PLEKHA2: variants seen among roughly 807,000 people sequenced by gnomAD.
PLEKHA2 encodes the protein pleckstrin homology domain-containing family A member 2.
In PLEKHA2, 28 loss-of-function variants were observed where a neutral mutation model predicts 53.2. The ratio of observed to expected loss-of-function variants is 0.53; its 90% CI spans 0.39 to 0.72. The LOEUF is 0.72. Among genes scored for constraint, PLEKHA2 ranks in the 30% least tolerant of loss-of-function variants. PLEKHA2 has a pLI of 0.00. For missense variants in PLEKHA2, 426 were observed against 537.9 expected, an observed-to-expected ratio of 0.79 and a Z score of 2.06; for synonymous variants, 193 against 196.4, an observed-to-expected ratio of 0.98 and a Z score of 0.14.
chr8:38,936,040 A>AC lies in PLEKHA2; in HGVS notation c.189dup (p.Ile64HisfsTer34). Reference sequence around the variant, plus strand: ...GCTGTTGGAGCTTTGCAGCTGACCTACATCTCGAAGGTAATGTTGACCTGG... The same window carrying AC: ...GCTGTTGGAGCTTTGCAGCTGACCTACCATCTCGAAGGTAATGTTGACCTGG... On this transcript the variant is annotated frameshift_variant, in exon 3 of 12. Transcript: ENST00000617275. LOFTEE classifies it high-confidence loss of function. 1 of 1,613,480 alleles carries AC rather than the reference A, an allele frequency of 6.2e-7. No homozygotes were observed. Among genetic ancestry groups the AC allele is most frequent in the Non-Finnish European group, 8.5e-7 (1 of 1,179,488 alleles).
intron 9 of PLEKHA2, among the ~76,000 whole-genome samples, chr8:38,955,919 T>C (rs1588272581): frequency 1.3e-5 from 2 of 152,170 alleles, no homozygotes; most frequent in African/African-American, 4.8e-5. Context: ...CAGGTGATCC[T>C]CCCGCCTCAG....
intron 9 of PLEKHA2, 102 bp from the exon 10 acceptor site, chr8:38,957,221 A>C (rs1399013736): frequency 1.2e-6 from 1 of 843,312 alleles, no homozygotes; most frequent in Non-Finnish European, 1.9e-6. Context: ...CCCCCCACCC[A>C]TCTTCCTTTT....
intron 2 of PLEKHA2, among the ~76,000 whole-genome samples, chr8:38,926,101 A>G (rs1053348432): frequency 6.6e-6 from 1 of 152,238 alleles, no homozygotes; most frequent in African/African-American, 2.4e-5. Flanking sequence ...CTGAGAGACT[A>G]TCTCTTAAGA....
intron 2 of PLEKHA2, among the ~76,000 whole-genome samples, chr8:38,931,977 T>C (rs1834401766): frequency 6.6e-6 from 1 of 152,148 alleles, no homozygotes; most frequent in Non-Finnish European, 1.5e-5. Flanking sequence ...CGGGCTTTTT[T>C]TTAAAATCTC....
chr8:38,910,117 C>T (rs939953347), intron 1 of PLEKHA2, among the ~76,000 whole-genome samples: 3 of 151,918 alleles, frequency 2.0e-5, no homozygotes, highest in Non-Finnish European at 4.4e-5. Flanking sequence ...CTACCATGCC[C>T]GGCTAATTTT....
intron 3 of PLEKHA2, among the ~76,000 whole-genome samples, chr8:38,938,637 A>G (rs1564130551): frequency 1.3e-5 from 2 of 152,174 alleles, no homozygotes; most frequent in Non-Finnish European, 2.9e-5. Context: ...GCGTCACTCT[A>G]CGGGGGACCT....
chr8:38,906,295 C>A (rs1012780005), intron 1 of PLEKHA2, among the ~76,000 whole-genome samples: 1 of 152,204 alleles, frequency 6.6e-6, no homozygotes, highest in Non-Finnish European at 1.5e-5. Context: ...ACCACATTTT[C>A]TTTGAATGTA....
At chr8:38,935,817 T>C (rs1834484077) in intron 2 of PLEKHA2, among the ~76,000 whole-genome samples, 177 bp from the exon 3 acceptor site, 2 of 152,206 alleles carry the variant, frequency 1.3e-5, no homozygotes, top group African/African-American at 4.8e-5. Flanking sequence ...GAATCCTGAA[T>C]CATTATCCAG....
intron 2 of PLEKHA2, among the ~76,000 whole-genome samples, chr8:38,932,732 C>T (rs915681986): frequency 2.6e-5 from 4 of 152,228 alleles, no homozygotes; most frequent in Non-Finnish European, 5.9e-5. Context: ...TGGATCAAGC[C>T]TCAAGGATCC....
intron 2 of PLEKHA2, among the ~76,000 whole-genome samples, chr8:38,919,322 T>C (rs1834137324): frequency 6.6e-6 from 1 of 152,220 alleles, no homozygotes; most frequent in Admixed American, 6.5e-5. Context: ...TCATCACTGC[T>C]CTGGGAACAA....
At position 38,972,636 on chromosome 8, in the gene PLEKHA2, G is replaced by A. The variant is rs974580766; in HGVS notation, c.*2853G>A. 1 of 152,146 alleles carries A rather than the reference G, an allele frequency of 6.6e-6. No homozygotes were observed. Among genetic ancestry groups the A allele is most frequent in the Non-Finnish European group, 1.5e-5 (1 of 68,036 alleles). The allele number at this position is 152,146 out of a possible 1,614,324, so 9.4% of individuals were successfully genotyped here. A position where few individuals can be genotyped will look rare whatever the true frequency, so the allele number is the denominator to read the frequency against. ...CAGTTTTGGACCATAATCTTTTAAT[G>A]TGAACCAAAGATGGTACGTATTTGA... On this transcript the variant is annotated 3_prime_UTR_variant, in exon 12 of 12. Transcript: ENST00000617275.
chr8:38,940,351 A>T (rs1261534139), intron 3 of PLEKHA2, among the ~76,000 whole-genome samples: 1 of 152,140 alleles, frequency 6.6e-6, no homozygotes, highest in Non-Finnish European at 1.5e-5. Flanking sequence ...GTGAGCCAAG[A>T]TCGTGCCATT....
intron 2 of PLEKHA2, among the ~76,000 whole-genome samples, chr8:38,933,349 G>C (rs1564125322): frequency 6.6e-6 from 1 of 152,204 alleles, no homozygotes; most frequent in East Asian, 1.9e-4. Flanking sequence ...TATAGGTAAA[G>C]AGACTTGCCT....
chr8:38,968,451 A>G, intron 10 of PLEKHA2, 141 bp from the exon 11 acceptor site: 1 of 700,990 alleles, frequency 1.4e-6, no homozygotes, highest in Admixed American at 2.9e-5. Context: ...TAAAAGTCTG[A>G]AAGCTACTGG....
At chr8:38,943,915 A>ATCACAGGGTATAG in intron 4 of PLEKHA2, 78 bp downstream of exon 4, 2 of 1,238,470 alleles carry the variant, frequency 1.6e-6, no homozygotes, top group Non-Finnish European at 2.3e-6. Context: ...CAGTCCTGTG[A>ATCACAGGGTATAG]TCACATGTGA....
In PLEKHA2 at chr8:38,922,304, C is replaced by T. The variant is rs1834208952; in HGVS notation, c.141+4234C>T. Among the ~76,000 whole-genome samples, 1 of 152,130 alleles carries T rather than the reference C, an allele frequency of 6.6e-6. No individual in the cohort carries two copies. Among genetic ancestry groups the T allele is most frequent in the South Asian group, 2.1e-4 (1 of 4,818 alleles). On this transcript the variant is annotated intron_variant, in intron 2 of 11. Coordinates refer to ENST00000617275, the MANE Select transcript of PLEKHA2 (RefSeq NM_021623.2). The surrounding 1 kb of genome is among the most constrained non-coding windows in gnomAD (Gnocchi z 4.0). ...GCACTCGTGTGGCTTAGTTTTTTAT[C>T]ATAGTGTTTCCAGCATTTGATGAAT...
At chr8:38,901,664 C>G (rs1230999910) in intron 1 of PLEKHA2, 1 of 152,240 alleles carries the variant, frequency 6.6e-6, no homozygotes, top group East Asian at 1.9e-4. Context: ...CTGGGAGAGC[C>G]CCGAGGGCAG....
chr8:38,904,335 C>CT (rs1388012038), intron 1 of PLEKHA2, among the ~76,000 whole-genome samples: 2 of 152,204 alleles, frequency 1.3e-5, no homozygotes, highest in African/African-American at 4.8e-5. Context: ...GGGCAAAAGG[C>CT]TTGGGGGCTT....
At chr8:38,914,368 G>A (rs560706355) in intron 1 of PLEKHA2, among the ~76,000 whole-genome samples, 1 of 152,338 alleles carries the variant, frequency 6.6e-6, no homozygotes, top group African/African-American at 2.4e-5. Context: ...ACCACCAGTC[G>A]CCACCCTTAC....
Sources: gnomAD v4.1 joint callset for allele counts (sites outside exome capture counted in the v4.1 genomes callset) on GRCh38, gnomAD v4.1.1 for gene constraint, Gnocchi (gnomAD v3.1) non-coding constraint, MANE v1.5 for transcripts, NCBI Gene and HGNC (gene_info 2026-07-23, HGNC 2026-07-21) for gene names.